SGMS1: variants seen among roughly 807,000 people sequenced by gnomAD.
The protein encoded by SGMS1 is phosphatidylcholine:ceramide cholinephosphotransferase 1.
SGMS1 carries 13 observed loss-of-function variants against 46.2 expected under a neutral mutation model. The observed-to-expected ratio is 0.28, with a 90% confidence interval of 0.18 to 0.45. SGMS1 has a LOEUF of 0.45. SGMS1 is among the 20% of genes least tolerant of loss of function. SGMS1 has a pLI of 1.00. For synonymous variants in SGMS1, 203 were observed against 187.8 expected, an observed-to-expected ratio of 1.08 and a Z score of -0.66; for missense variants, 324 against 519.9, an observed-to-expected ratio of 0.62 and a Z score of 3.66.
intron 8 of SGMS1, among the ~76,000 whole-genome samples, chr10:50,318,072 C>T (rs1253423165): frequency 6.6e-6 from 1 of 152,212 alleles, no homozygotes; most frequent in East Asian, 1.9e-4. Flanking sequence ...TCCCAAAGTG[C>T]TAGGATTACA....
chr10:50,592,289 T>C (rs567112192), intron 1 of SGMS1, among the ~76,000 whole-genome samples: 1 of 152,338 alleles, frequency 6.6e-6, no homozygotes, highest in South Asian at 2.1e-4. Context: ...ATTTAAAAGT[T>C]GTTAACATTA....
intron 1 of SGMS1, among the ~76,000 whole-genome samples, chr10:50,615,798 C>T (rs1279809187): frequency 1.3e-5 from 2 of 152,208 alleles, no homozygotes; most frequent in Non-Finnish European, 2.9e-5. Flanking sequence ...CAAATCAAAA[C>T]TTCACAGAGC....
At chr10:50,313,638 A>C (rs928972890) in intron 8 of SGMS1, among the ~76,000 whole-genome samples, 2 of 152,166 alleles carry the variant, frequency 1.3e-5, no homozygotes, top group Non-Finnish European at 2.9e-5. Flanking sequence ...TATGGCAAAA[A>C]AGCTTGGGTA....
At chr10:50,408,482 G>A (rs1049632195) in intron 6 of SGMS1, among the ~76,000 whole-genome samples, 3 of 148,198 alleles carry the variant, frequency 2.0e-5, no homozygotes, top group Non-Finnish European at 3.0e-5. Flanking sequence ...TTTAATTAGC[G>A]AGGCTCCTGG....
chr10:50,475,491 AG>A (rs1304895405), intron 3 of SGMS1, among the ~76,000 whole-genome samples: 1 of 152,220 alleles, frequency 6.6e-6, no homozygotes, highest in Non-Finnish European at 1.5e-5. Context: ...ACATCTAGAA[AG>A]GTATTTGTTG....
chr10:50,495,583 G>T (rs1024322812), intron 3 of SGMS1, among the ~76,000 whole-genome samples: 21 of 152,104 alleles, frequency 1.4e-4, no homozygotes, highest in Admixed American at 6.6e-5. Flanking sequence ...CAGATGTACT[G>T]AAGAATGTGT....
upstream of SGMS1, chr10:50,624,585 G>A (rs1041135817): frequency 1.4e-5 from 14 of 984,760 alleles, no homozygotes; most frequent in African/African-American, 2.3e-4. Context: ...CGTCAGAGCC[G>A]CCCCGCCCCG....
At chr10:50,567,635 TG>T (rs1275909704) in intron 2 of SGMS1, among the ~76,000 whole-genome samples, 1 of 152,178 alleles carries the variant, frequency 6.6e-6, no homozygotes, top group African/African-American at 2.4e-5. Context: ...CAACCTCCAC[TG>T]TTATCTAACA....
rs371032779 is a variant in SGMS1 at position 50,560,552 on chromosome 10, ATATAT to A, written c.-589+29596_-589+29600del. On this transcript the variant is annotated intron_variant, in intron 2 of 10. Coordinates refer to ENST00000361781, the MANE Select transcript of SGMS1 (RefSeq NM_147156.4). ...ATATAATACATAATATTTATGTGTA[ATATAT>A]TATATGACATATATACATAATACAA... is the stretch of plus-strand genomic sequence containing the variant. Among the ~76,000 whole-genome samples, 797 of 145,512 alleles carry A rather than the reference ATATAT, an allele frequency of 5.5e-3. 5 individuals are homozygous for A. The highest frequency in any genetic ancestry group is 6.2e-3 in the Non-Finnish European group (418 of 67,088).
At chr10:50,445,859 A>G (rs186638261) in intron 5 of SGMS1, among the ~76,000 whole-genome samples, 1 of 152,194 alleles carries the variant, frequency 6.6e-6, no homozygotes, top group East Asian at 1.9e-4. Flanking sequence ...AAAAGCAAAT[A>G]GGAGAAATAT....
intron 2 of SGMS1, among the ~76,000 whole-genome samples, chr10:50,545,838 T>C (rs891660999): frequency 6.6e-6 from 1 of 152,186 alleles, no homozygotes; most frequent in Admixed American, 6.6e-5. Flanking sequence ...GGGGTATTTA[T>C]GGAGCTTAAA....
intron 6 of SGMS1, among the ~76,000 whole-genome samples, chr10:50,429,744 C>G (rs1849378312): frequency 1.5e-5 from 2 of 129,118 alleles, no homozygotes; most frequent in Admixed American, 1.6e-4. Context: ...CACACACATA[C>G]TCTTTTCTCA....
intron 3 of SGMS1, among the ~76,000 whole-genome samples, chr10:50,494,419 A>G (rs971830197): frequency 3.9e-5 from 6 of 152,270 alleles, no homozygotes; most frequent in African/African-American, 1.2e-4. Flanking sequence ...GAAACGTGAT[A>G]CATACAACGT....
intron 2 of SGMS1, among the ~76,000 whole-genome samples, chr10:50,551,196 GC>G: frequency 6.6e-6 from 1 of 151,990 alleles, no homozygotes; most frequent in East Asian, 1.9e-4. Context: ...ATCAACGTGA[GC>G]AGTCATGTTG....
chr10:50,549,546 G>A (rs1838131023), intron 2 of SGMS1, among the ~76,000 whole-genome samples: 1 of 152,134 alleles, frequency 6.6e-6, no homozygotes, highest in African/African-American at 2.4e-5. Context: ...GCCAGAGAGG[G>A]ATGGTGGGGG....
intron 6 of SGMS1, among the ~76,000 whole-genome samples, chr10:50,384,385 TTCTC>T (rs373499152): frequency 4.0e-5 from 6 of 148,694 alleles, no homozygotes; most frequent in East Asian, 2.0e-4. Flanking sequence ...CTCTTTCTTT[TTCTC>T]TCTCTCTCTC....
At chr10:50,399,844 C>T (rs550851346) in intron 6 of SGMS1, among the ~76,000 whole-genome samples, 61 of 151,964 alleles carry the variant, frequency 4.0e-4, no homozygotes, top group African/African-American at 1.2e-3. Flanking sequence ...CTGGCTAACA[C>T]GGTGAAACCC....
chr10:50,418,360 T>C (rs1027058941), intron 6 of SGMS1: 1 of 152,364 alleles, frequency 6.6e-6, no homozygotes, highest in African/African-American at 2.4e-5. Context: ...GGGGGTCAAC[T>C]GCGAGCTAGA....
At chr10:50,511,691 C>T (rs1837756802) in intron 3 of SGMS1, among the ~76,000 whole-genome samples, 1 of 152,172 alleles carries the variant, frequency 6.6e-6, no homozygotes, top group Non-Finnish European at 1.5e-5. Context: ...CTTGTAGTTA[C>T]AGAGGTCTCC....
Sources: gnomAD v4.1 joint callset for allele counts (sites outside exome capture counted in the v4.1 genomes callset) on GRCh38, gnomAD v4.1.1 for gene constraint, MANE v1.5 for transcripts, NCBI Gene and HGNC (gene_info 2026-07-23, HGNC 2026-07-21) for gene names.